Variants in PPP1R13B observed in about 807,000 individuals in gnomAD.
The protein encoded by PPP1R13B is protein phosphatase 1 regulatory subunit 13B.
A neutral mutation model predicts 119.8 loss-of-function variants in PPP1R13B; 44 were observed. The observed-to-expected ratio is 0.37, with a 90% confidence interval of 0.29 to 0.47. The LOEUF (loss-of-function observed/expected upper bound fraction) is 0.47. PPP1R13B is among the 20% of genes least tolerant of loss of function. PPP1R13B has a pLI of 0.99. For synonymous variants in PPP1R13B, 542 were observed against 561.5 expected, an observed-to-expected ratio of 0.97 and a Z score of 0.49; for missense variants, 1,227 against 1,413.5, an observed-to-expected ratio of 0.87 and a Z score of 2.12.
intron 4 of PPP1R13B, among the ~76,000 whole-genome samples, chr14:103,760,598 T>C (rs78160995): frequency 0.021 from 3,146 of 152,318 alleles, 64 homozygotes; most frequent in Middle Eastern, 0.051. Flanking sequence ...CCTGCTCCGA[T>C]GATCCCTTCG....
intron 1 of PPP1R13B, among the ~76,000 whole-genome samples, chr14:103,834,813 G>A (rs2086737904): frequency 1.3e-5 from 2 of 151,898 alleles, no homozygotes; most frequent in Non-Finnish European, 2.9e-5. Context: ...GGCTGATCTT[G>A]AACTCCTGAC....
At position 103,742,424 on chromosome 14, in the gene PPP1R13B, C is replaced by A; in HGVS notation, c.1321-133G>T. 7.5e-7 allele frequency: 1 copy of A among 1,327,158 alleles called. No homozygotes were observed. Among genetic ancestry groups the A allele is most frequent in the Non-Finnish European group, 1.0e-6 (1 of 985,400 alleles). 82.2% of individuals were successfully genotyped at this position (1,327,158 alleles called of 1,614,324 possible). On this transcript the variant is annotated intron_variant, in intron 10 of 16. Coordinates refer to ENST00000202556, the MANE Select transcript of PPP1R13B (RefSeq NM_015316.3). The surrounding 1 kb of genome is among the most constrained non-coding windows in gnomAD (Gnocchi z 4.9). The stretch of plus-strand genomic sequence containing the variant: ...TTGGCTGTGACCAGGACTTGGGGCA[C>A]ACTGTTGAGCTCATTGCCTGTCTGC...
intron 1 of PPP1R13B, among the ~76,000 whole-genome samples, chr14:103,830,025 C>T (rs945317679): frequency 1.3e-5 from 2 of 152,172 alleles, no homozygotes; most frequent in Non-Finnish European, 1.5e-5. Flanking sequence ...GATCCACCCA[C>T]CTTGGCCTCC....
chr14:103,847,249 C>G, intron 1 of PPP1R13B, 50 bp downstream of exon 1: 1 of 1,162,362 alleles, frequency 8.6e-7, no homozygotes, highest in Non-Finnish European at 1.1e-6. Context: ...GAGGTTTGGC[C>G]AGCGGCCCGC....
chr14:103,830,840 A>G (rs1418658777), intron 1 of PPP1R13B, among the ~76,000 whole-genome samples: 4 of 152,196 alleles, frequency 2.6e-5, no homozygotes, highest in Admixed American at 6.6e-5. Context: ...GAGTTGTGTC[A>G]TATACGTAAA....
At chr14:103,804,102 T>C (rs2085964193) in intron 1 of PPP1R13B, 1 of 974,948 alleles carries the variant, frequency 1.0e-6, no homozygotes, top group South Asian at 4.7e-5. Context: ...TTTTTTTTCA[T>C]TCAAAAAAGT....
chr14:103,845,101 G>T (rs1282299587), intron 1 of PPP1R13B, among the ~76,000 whole-genome samples: 1 of 152,102 alleles, frequency 6.6e-6, no homozygotes, highest in African/African-American at 2.4e-5. Context: ...TGCATTTGTG[G>T]CTTGCTTTAC....
chr14:103,831,029 C>A (rs974176268), intron 1 of PPP1R13B, among the ~76,000 whole-genome samples: 1 of 150,740 alleles, frequency 6.6e-6, no homozygotes, highest in Non-Finnish European at 1.5e-5. Flanking sequence ...CTGCAACCTC[C>A]GCCTCCCGAG....
intron 1 of PPP1R13B, among the ~76,000 whole-genome samples, chr14:103,812,245 T>A (rs1250831918): frequency 4.9e-5 from 7 of 143,708 alleles, no homozygotes; most frequent in Non-Finnish European, 1.1e-4. Flanking sequence ...CGCCTCAGCC[T>A]CCCGAGTAGC....
chr14:103,795,899 A>C (rs572624510), intron 2 of PPP1R13B, among the ~76,000 whole-genome samples: 1 of 148,650 alleles, frequency 6.7e-6, no homozygotes, highest in East Asian at 1.9e-4. Flanking sequence ...AAGACCTTGC[A>C]AAAAAATTGT....
intron 1 of PPP1R13B, among the ~76,000 whole-genome samples, chr14:103,820,868 T>C (rs1264063097): frequency 1.3e-5 from 2 of 151,994 alleles, no homozygotes; most frequent in Admixed American, 1.3e-4. Context: ...GGTGCCTCAA[T>C]TTTTTTCTAT....
chr14:103,804,883 C>T (rs2085980947), intron 1 of PPP1R13B, among the ~76,000 whole-genome samples: 1 of 152,198 alleles, frequency 6.6e-6, no homozygotes, highest in Non-Finnish European at 1.5e-5. Flanking sequence ...AACAGTCCAG[C>T]TGGAGTGCAG....
chr14:103,846,755 C>T (rs1222913712), intron 1 of PPP1R13B: 1 of 456,326 alleles, frequency 2.2e-6, no homozygotes, highest in South Asian at 1.5e-5. Context: ...GGAGAACAAA[C>T]CAGTTAAAGC....
At chr14:103,798,125 A>AT (rs1234580640) in intron 1 of PPP1R13B, among the ~76,000 whole-genome samples, 1 of 151,268 alleles carries the variant, frequency 6.6e-6, no homozygotes, top group Non-Finnish European at 1.5e-5. Flanking sequence ...AAAGACTGAT[A>AT]TTCAAGTACA....
At chr14:103,841,494 G>A (rs572397550) in intron 1 of PPP1R13B, among the ~76,000 whole-genome samples, 1 of 152,186 alleles carries the variant, frequency 6.6e-6, no homozygotes, top group Admixed American at 6.5e-5. Context: ...GGACGCTGAG[G>A]TGGGAGAATC....
chr14:103,818,420 C>T (rs1216117160), intron 1 of PPP1R13B: 1 of 892,596 alleles, frequency 1.1e-6, no homozygotes, highest in Non-Finnish European at 1.3e-6. Context: ...TCTACTCTTG[C>T]AAACAACAAC....
At chr14:103,760,089 T>C (rs2084769183) in intron 4 of PPP1R13B, among the ~76,000 whole-genome samples, 1 of 151,982 alleles carries the variant, frequency 6.6e-6, no homozygotes, top group South Asian at 2.1e-4. Context: ...TGTATTTAAA[T>C]GGGTTATAAA....
At position 103,784,928 on chromosome 14, in the gene PPP1R13B, C is replaced by T; in HGVS notation, c.158-14G>A. 15 of 1,546,628 alleles carry T rather than the reference C, an allele frequency of 9.7e-6. No individual in the cohort carries two copies. Among genetic ancestry groups the T allele is most frequent in the Non-Finnish European group, 1.2e-5 (14 of 1,136,744 alleles). On this transcript the variant is annotated splice_polypyrimidine_tract_variant and intron_variant, in intron 2 of 16. Transcript: ENST00000202556. ...GTATGGGACGTTCTAGGAAAAAGAC[C>T]ACATCTTTTTTACTCCAGAATTAAA...
intron 4 of PPP1R13B, among the ~76,000 whole-genome samples, chr14:103,776,965 T>C (rs2085214861): frequency 6.6e-6 from 1 of 152,094 alleles, no homozygotes; most frequent in South Asian, 2.1e-4. Flanking sequence ...AAAATGTCCC[T>C]ATTTGGTTCA....
Sources: allele counts gnomAD v4.1 joint callset (sites outside exome capture counted in the v4.1 genomes callset), GRCh38; gene constraint gnomAD v4.1.1; non-coding constraint Gnocchi (gnomAD v3.1); transcripts MANE v1.5; gene names NCBI Gene and HGNC (gene_info 2026-07-23, HGNC 2026-07-21).